BAIAP2L1: variants seen among roughly 807,000 people sequenced by gnomAD.
The protein encoded by BAIAP2L1 is BAR/IMD domain containing adaptor protein 2 like 1, also known as BAR/IMD domain-containing adapter protein 2-like 1.
Under a neutral mutation model 66.3 loss-of-function variants are expected in BAIAP2L1, and 35 were observed. That is an observed-to-expected ratio of 0.53 (90% CI 0.40 to 0.70). BAIAP2L1 has a LOEUF of 0.70. Ranked by LOEUF, BAIAP2L1 falls within the 30% of genes least tolerant of loss-of-function variation. The pLI, the probability that BAIAP2L1 is intolerant of heterozygous loss-of-function variation, is 0.00. For synonymous variants in BAIAP2L1, 269 were observed against 248.7 expected (o/e 1.08, Z -0.77); for missense variants, 622 against 656.9 (o/e 0.95, Z 0.58).
intron 1 of BAIAP2L1, among the ~76,000 whole-genome samples, chr7:98,385,586 G>C (rs1562793089): frequency 1.3e-5 from 2 of 151,540 alleles, no homozygotes; most frequent in African/African-American, 4.8e-5. Flanking sequence ...TAATTTTTTT[G>C]TTTTTTTCGT....
At chr7:98,399,635 G>C (rs1367168128) in intron 1 of BAIAP2L1, among the ~76,000 whole-genome samples, 1 of 152,136 alleles carries the variant, frequency 6.6e-6, no homozygotes, top group Non-Finnish European at 1.5e-5. Context: ...AAGCGCCTAG[G>C]CTGAATTAAA....
At chr7:98,327,236 C>T (rs1801396398) in intron 3 of BAIAP2L1, among the ~76,000 whole-genome samples, 1 of 152,042 alleles carries the variant, frequency 6.6e-6, no homozygotes, top group Non-Finnish European at 1.5e-5. Flanking sequence ...TGGTGCACAT[C>T]TGTAATTCCA....
At chr7:98,340,534 G>A (rs562909133) in intron 3 of BAIAP2L1, among the ~76,000 whole-genome samples, 8 of 152,142 alleles carry the variant, frequency 5.3e-5, no homozygotes, top group South Asian at 4.2e-4. Context: ...TGATCCACCC[G>A]CCTCGGCCTC....
At chr7:98,319,970 C>G (rs1191831846) in intron 5 of BAIAP2L1, 88 bp downstream of exon 5, 3 of 1,028,156 alleles carry the variant, frequency 2.9e-6, no homozygotes, top group Non-Finnish European at 4.4e-6. Context: ...CTGTCTGCTG[C>G]TGATGAGTCA....
chr7:98,347,049 GA>G (rs1801887344), intron 3 of BAIAP2L1, among the ~76,000 whole-genome samples: 1 of 152,126 alleles, frequency 6.6e-6, no homozygotes, highest in African/African-American at 2.4e-5. Context: ...CACCTTAAAG[GA>G]ACTCTTGAAG....
chr7:98,293,666 T>C, intron 13 of BAIAP2L1, 70 bp from the exon 14 acceptor site: 2 of 1,464,380 alleles, frequency 1.4e-6, no homozygotes, highest in Non-Finnish European at 1.9e-6. Flanking sequence ...ACAGTGCTAA[T>C]AACCCGTTCT....
intron 2 of BAIAP2L1, among the ~76,000 whole-genome samples, chr7:98,356,361 A>G (rs2115698574): frequency 6.6e-6 from 1 of 152,334 alleles, no homozygotes; most frequent in South Asian, 2.1e-4. Flanking sequence ...GGTTTCAGAC[A>G]TAGAAATCAG....
chr7:98,369,124 C>G (rs966982212), intron 1 of BAIAP2L1, among the ~76,000 whole-genome samples: 10 of 150,596 alleles, frequency 6.6e-5, no homozygotes, highest in Admixed American at 2.7e-4. Context: ...TTTTCAAAAT[C>G]TGATAATTTC....
intron 10 of BAIAP2L1, chr7:98,307,421 T>C: frequency 4.6e-6 from 6 of 1,297,122 alleles, no homozygotes; most frequent in Non-Finnish European, 5.9e-6. Context: ...TAAATTTTTT[T>C]TAAAAACAAA....
intron 1 of BAIAP2L1, among the ~76,000 whole-genome samples, chr7:98,368,218 A>G (rs182700388): frequency 4.3e-4 from 65 of 152,200 alleles, no homozygotes; most frequent in Non-Finnish European, 8.2e-4. Flanking sequence ...CAGGAGTTCA[A>G]GACCAGCCTG....
chr7:98,338,273 T>A (rs1212295203), intron 3 of BAIAP2L1, among the ~76,000 whole-genome samples: 1 of 151,622 alleles, frequency 6.6e-6, no homozygotes, highest in Non-Finnish European at 1.5e-5. Context: ...ACAAAAAAAA[T>A]TAGCCGGGCG....
In BAIAP2L1 at chr7:98,310,443, A is replaced by G. The variant is rs753517480; in HGVS notation, c.955+2T>C. 2 of 1,587,546 alleles carry G rather than the reference A, an allele frequency of 1.3e-6. No individual in the cohort carries two copies. Among genetic ancestry groups the G allele is most frequent in the Non-Finnish European group, 1.7e-6 (2 of 1,171,760 alleles). On this transcript the variant is annotated splice_donor_variant, in intron 9 of 13. Coordinates refer to ENST00000005260, the MANE Select transcript of BAIAP2L1 (RefSeq NM_018842.5). LOFTEE classifies it high-confidence loss of function. ...TCAAATAAATCAGACTGAATCTCTTACCTGTTGAATTATTTACCCTTTGTG... is the reference window on the plus strand; with the variant it reads ...TCAAATAAATCAGACTGAATCTCTTGCCTGTTGAATTATTTACCCTTTGTG...
At chr7:98,368,880 C>A (rs1480967593) in intron 1 of BAIAP2L1, among the ~76,000 whole-genome samples, 1 of 151,362 alleles carries the variant, frequency 6.6e-6, no homozygotes, top group Non-Finnish European at 1.5e-5. Flanking sequence ...TTGTTGAAGA[C>A]CTGGCTTGTT....
At chr7:98,390,731 C>A (rs1477763208) in intron 1 of BAIAP2L1, among the ~76,000 whole-genome samples, 6 of 148,318 alleles carry the variant, frequency 4.0e-5, no homozygotes, top group Non-Finnish European at 5.9e-5. Context: ...GACTCTGTCT[C>A]AAAAAAAAAC....
At chr7:98,359,358 T>C (rs1022943143) in intron 2 of BAIAP2L1, among the ~76,000 whole-genome samples, 1 of 151,626 alleles carries the variant, frequency 6.6e-6, no homozygotes, top group African/African-American at 2.4e-5. Flanking sequence ...CTGCAACCTT[T>C]ACCTCCCGGG....
chr7:98,382,124 G>A (rs1162071309), intron 1 of BAIAP2L1, among the ~76,000 whole-genome samples: 4 of 151,984 alleles, frequency 2.6e-5, no homozygotes, highest in African/African-American at 7.2e-5. Context: ...GAGTTTCACC[G>A]TGTTAGTCAG....
intron 1 of BAIAP2L1, among the ~76,000 whole-genome samples, chr7:98,375,900 G>A (rs1443941305): frequency 6.6e-6 from 1 of 152,078 alleles, no homozygotes; most frequent in Admixed American, 6.6e-5. Context: ...TCTCCCCTGG[G>A]GGAGCCACTA....
At chr7:98,302,529 C>A (rs760268762) in intron 12 of BAIAP2L1, among the ~76,000 whole-genome samples, 12 of 152,192 alleles carry the variant, frequency 7.9e-5, no homozygotes, top group Non-Finnish European at 1.5e-4. Flanking sequence ...AAAACAGCAA[C>A]AGACTCTGAG....
intron 12 of BAIAP2L1, among the ~76,000 whole-genome samples, chr7:98,300,019 C>T (rs941893311): frequency 4.6e-5 from 7 of 152,094 alleles, no homozygotes; most frequent in Admixed American, 1.3e-4. Flanking sequence ...CCAGCCTGGG[C>T]GACAGAGCAA....
Sources: gnomAD v4.1 joint callset for allele counts (sites outside exome capture counted in the v4.1 genomes callset) on GRCh38, gnomAD v4.1.1 for gene constraint, MANE v1.5 for transcripts, NCBI Gene and HGNC (gene_info 2026-07-23, HGNC 2026-07-21) for gene names.